LMO7: variants seen among roughly 807,000 people sequenced by gnomAD.
LMO7 encodes the protein LIM domain 7, also known as LIM domain only protein 7.
Under a neutral mutation model 206.5 loss-of-function variants are expected in LMO7, and 120 were observed. That is an observed-to-expected ratio of 0.58 (90% CI 0.50 to 0.68). LMO7 has a LOEUF of 0.68. Among genes scored for constraint, LMO7 ranks in the 30% least tolerant of loss-of-function variants. The pLI, the probability that LMO7 is intolerant of heterozygous loss-of-function variation, is 0.00. For synonymous variants in LMO7, 706 were observed against 681.5 expected, an observed-to-expected ratio of 1.04 and a Z score of -0.56; for missense variants, 1,959 against 1,957.9, an observed-to-expected ratio of 1.00 and a Z score of -0.01.
At chr13:75,633,115 G>A (rs1358972930), upstream of LMO7, among the ~76,000 whole-genome samples, 5 of 151,890 alleles carry the variant, frequency 3.3e-5, no homozygotes, top group South Asian at 4.2e-4. Context: ...CGCCCGCCTC[G>A]GCCTCCCAAA....
chr13:75,714,980 G>A (rs1195139766), intron 2 of LMO7, among the ~76,000 whole-genome samples: 1 of 152,060 alleles, frequency 6.6e-6, no homozygotes, highest in Non-Finnish European at 1.5e-5. Flanking sequence ...TATGAAGCAC[G>A]GAGTTTCTTT....
At chr13:75,742,395 C>CA in intron 3 of LMO7, among the ~76,000 whole-genome samples, 1 of 151,906 alleles carries the variant, frequency 6.6e-6, no homozygotes, top group South Asian at 2.1e-4. Flanking sequence ...AATATGAAAC[C>CA]AAAAAAGCCC....
At position 75,693,016 on chromosome 13, in the gene LMO7, A is replaced by G. The variant is rs149186501; in HGVS notation, c.70-20166A>G. Among the ~76,000 whole-genome samples the G allele has an allele frequency of 3.2e-3, 486 of 152,342 alleles. 1 individual carries two copies. The highest frequency in any genetic ancestry group is 5.0e-3 in the Non-Finnish European group (338 of 68,022). On this transcript the variant is annotated intron_variant, in intron 1 of 30. Transcript: ENST00000377534. ...AGTCTGCTATTTTGAGATTAAGACT[A>G]TATTACAGAAGCTGTAACTTTGCTC... is the stretch of plus-strand genomic sequence containing the variant.
At chr13:75,768,527 T>C (rs1172065094) in intron 4 of LMO7, among the ~76,000 whole-genome samples, 1 of 152,118 alleles carries the variant, frequency 6.6e-6, no homozygotes, top group Non-Finnish European at 1.5e-5. Context: ...ATCTTTGAAA[T>C]TTTTAAATCT....
intron 3 of LMO7, among the ~76,000 whole-genome samples, chr13:75,752,786 G>T (rs1168149178): frequency 6.6e-6 from 1 of 152,196 alleles, no homozygotes; most frequent in Non-Finnish European, 1.5e-5. Context: ...TGGCTGAATA[G>T]TATTCCATTG....
intron 1 of LMO7, among the ~76,000 whole-genome samples, chr13:75,669,439 C>G (rs4884012): frequency 6.6e-6 from 1 of 151,948 alleles, no homozygotes; most frequent in Non-Finnish European, 1.5e-5. Flanking sequence ...CTAGAGCAAT[C>G]TCAGAGTGAA....
intron 20 of LMO7, among the ~76,000 whole-genome samples, chr13:75,839,087 G>C (rs963106542): frequency 6.6e-6 from 1 of 152,074 alleles, no homozygotes; most frequent in African/African-American, 2.4e-5. Context: ...TTGGATTAAG[G>C]TCTCTTTTGG....
chr13:75,717,464 AAGATATTC>A (rs1295597494), intron 2 of LMO7, among the ~76,000 whole-genome samples: 1 of 151,800 alleles, frequency 6.6e-6, no homozygotes, highest in Non-Finnish European at 1.5e-5. Context: ...AGACAGGAGC[AAGATATTC>A]ACCCCTATCG....
Position 75,841,781 on chromosome 13 carries a change from G to A in LMO7, c.3829G>A (p.Val1277Ile), listed in dbSNP as rs200624466. The A allele has an allele frequency of 1.2e-5, 19 of 1,613,990 alleles. No homozygotes were observed. The highest frequency in any genetic ancestry group is 1.6e-5 in the Non-Finnish European group (19 of 1,180,022). ...EEERRQPQEE[V>I]VHEDQGKKPQ... is the part of the protein sequence containing the mutation. ...GGAGAGGAGACAGCCACAAGAGGAA[G>A]TTGTTCATGAGGACCAAGGAAAGAA... The change falls in exon 24 of 31, where the codon GTT becomes ATT. Residue 1277 changes from valine (V) to isoleucine (I), a missense_variant. Val to Ile is a conservative substitution (Grantham distance 29). Transcript: ENST00000377534.
At chr13:75,652,746 A>T (rs1321884887) in intron 1 of LMO7, among the ~76,000 whole-genome samples, 1 of 151,966 alleles carries the variant, frequency 6.6e-6, no homozygotes, top group African/African-American at 2.4e-5. Context: ...ATTTCACACA[A>T]GTAAAATGCT....
intron 1 of LMO7, among the ~76,000 whole-genome samples, chr13:75,651,424 C>G (rs972876425): frequency 1.3e-5 from 2 of 151,804 alleles, no homozygotes; most frequent in African/African-American, 4.8e-5. Context: ...ATTCTCCTGC[C>G]TCAGCCTCCC....
chr13:75,672,980 G>T (rs1166593760), intron 1 of LMO7, among the ~76,000 whole-genome samples: 1 of 151,998 alleles, frequency 6.6e-6, no homozygotes, highest in Non-Finnish European at 1.5e-5. Context: ...TTTTTATCTA[G>T]TTGAGTTTAT....
Position 75,623,632 on chromosome 13 carries a change from G to A in LMO7, c.225+312G>A, listed in dbSNP as rs1333516259. Among the ~76,000 whole-genome samples the A allele has an allele frequency of 6.6e-5, 10 of 151,364 alleles. No individual in the cohort carries two copies. In the East Asian group the frequency reaches 1.8e-3, roughly 27 times the overall value. ...CCCACTTCAGCCTCCCAAAGTGCTG[G>A]GATTACAGGCATGAGCCACTGTGCC... On this transcript the variant is annotated intron_variant, in intron 2 of 29. Transcript: ENST00000341547.
intron 1 of LMO7, among the ~76,000 whole-genome samples, chr13:75,712,951 T>G (rs145303490): frequency 9.2e-5 from 14 of 152,314 alleles, no homozygotes; most frequent in African/African-American, 3.4e-4. Flanking sequence ...AAAACACTCA[T>G]TGTAATTTTT....
chr13:75,675,892 A>G lies in LMO7; in HGVS notation c.70-37290A>G, dbSNP rs1464018210. Among the ~76,000 whole-genome samples the G allele has an allele frequency of 1.9e-4, 6 of 30,894 alleles. No homozygotes were observed. The East Asian group carries it at 2.2e-3, about 11-fold the overall frequency. The allele number at this position is 30,894 out of a possible 152,430, so 20.3% of individuals were successfully genotyped here. On this transcript the variant is annotated intron_variant, in intron 1 of 30. Coordinates refer to ENST00000377534, the MANE Select transcript of LMO7 (RefSeq NM_001306080.2). ...GTAAAACGCGTGCACGAGCGTGCACACACACACACACACACACACACACAC... is the reference window on the plus strand; with the variant it reads ...GTAAAACGCGTGCACGAGCGTGCACGCACACACACACACACACACACACAC...
chr13:75,687,588 A>G (rs1468139804), intron 1 of LMO7, among the ~76,000 whole-genome samples: 6 of 152,048 alleles, frequency 3.9e-5, no homozygotes, highest in African/African-American at 1.2e-4. Context: ...GTACCTGTAT[A>G]TAGCACTTGT....
chr13:75,723,417 T>A (rs976889729), intron 2 of LMO7, among the ~76,000 whole-genome samples: 1 of 152,206 alleles, frequency 6.6e-6, no homozygotes, highest in African/African-American at 2.4e-5. Flanking sequence ...TTCAATGTCA[T>A]CTTCCTTGTT....
At chr13:75,644,693 A>G (rs1266445428) in intron 1 of LMO7, among the ~76,000 whole-genome samples, 3 of 152,128 alleles carry the variant, frequency 2.0e-5, no homozygotes, top group Non-Finnish European at 4.4e-5. Flanking sequence ...CAGTGGTATG[A>G]TCATAGCTCA....
chr13:75,639,549 G>T (rs1006015517), intron 1 of LMO7, among the ~76,000 whole-genome samples: 1 of 145,896 alleles, frequency 6.9e-6, no homozygotes, highest in African/African-American at 2.5e-5. Flanking sequence ...GCAAGGCTAC[G>T]CAGTGGCTGA....
Sources: allele counts gnomAD v4.1 joint callset (sites outside exome capture counted in the v4.1 genomes callset), GRCh38; gene constraint gnomAD v4.1.1; transcripts MANE v1.5; gene names NCBI Gene and HGNC (gene_info 2026-07-23, HGNC 2026-07-21).